Variants in SYT16 observed in about 807,000 individuals in gnomAD.
SYT16 encodes the protein synaptotagmin-16.
A neutral mutation model predicts 61.4 loss-of-function variants in SYT16; 42 were observed. The observed-to-expected ratio is 0.68, with a 90% confidence interval of 0.53 to 0.89. The LOEUF is 0.89. Among genes scored for constraint, SYT16 ranks in the 40% least tolerant of loss-of-function variants. The pLI is 0.00. For synonymous variants in SYT16, 314 were observed against 302.3 expected, an observed-to-expected ratio of 1.04 and a Z score of -0.40; for missense variants, 804 against 807.3, an observed-to-expected ratio of 1.00 and a Z score of 0.05.
intron 1 of SYT16, among the ~76,000 whole-genome samples, chr14:61,817,035 AG>A (rs2045463048): frequency 1.3e-5 from 2 of 148,422 alleles, no homozygotes; most frequent in Non-Finnish European, 3.0e-5. Flanking sequence ...ACACAAAAAA[AG>A]CATTTTCCCC....
chr14:61,955,408 A>G (rs1358449361), intron 1 of SYT16, among the ~76,000 whole-genome samples: 1 of 152,100 alleles, frequency 6.6e-6, no homozygotes, highest in Non-Finnish European at 1.5e-5. Context: ...TTTAGTTTGT[A>G]TAAATGAAAC....
At chr14:61,982,694 T>C (rs1379762224) in intron 2 of SYT16, among the ~76,000 whole-genome samples, 2 of 152,178 alleles carry the variant, frequency 1.3e-5, no homozygotes, top group African/African-American at 4.8e-5. Context: ...CTGGAGACAG[T>C]AAAACTATCT....
Position 62,090,283 on chromosome 14 carries a change from T to C in SYT16, c.1624+5898T>C, listed in dbSNP as rs113853777. 4.5e-3 allele frequency among the ~76,000 whole-genome samples: 686 copies of C among 152,352 alleles called. 6 individuals are homozygous for C. Among genetic ancestry groups the C allele is most frequent in the African/African-American group, 0.016 (652 of 41,574 alleles). On this transcript the variant is annotated intron_variant, in intron 7 of 7. Transcript: ENST00000683842. ...AAACAAGTTCCCCAGCTTCTCAGCA[T>C]GTGCATGATTAGCCACACATGATAA... is the stretch of plus-strand genomic sequence containing the variant.
chr14:62,082,637 C>A (rs537237899), intron 6 of SYT16, among the ~76,000 whole-genome samples: 1 of 152,310 alleles, frequency 6.6e-6, no homozygotes, highest in South Asian at 2.1e-4. Flanking sequence ...TGTCTCAGCT[C>A]TGCTCAGATC....
Position 62,065,560 on chromosome 14 carries a change from A to C in SYT16, c.524-4043A>C, listed in dbSNP as rs75868806. 2.7e-3 allele frequency among the ~76,000 whole-genome samples: 404 copies of C among 152,346 alleles called. 6 individuals carry two copies. In the East Asian group the frequency reaches 0.052, roughly 20 times the overall value. On this transcript the variant is annotated intron_variant, in intron 3 of 7. Transcript: ENST00000683842. ...TTAGTTGCAATTATTAATTTTATAGATGGAAAGATATCCATGCATTGGCTA... is the reference window on the plus strand; with the variant it reads ...TTAGTTGCAATTATTAATTTTATAGCTGGAAAGATATCCATGCATTGGCTA...
chr14:61,913,271 G>T (rs550003858), intron 1 of SYT16, among the ~76,000 whole-genome samples: 47 of 152,256 alleles, frequency 3.1e-4, no homozygotes, highest in Non-Finnish European at 4.4e-5. Context: ...CCAGAACATA[G>T]CATATGCTGC....
intron 2 of SYT16, among the ~76,000 whole-genome samples, chr14:61,981,389 TTCAGTATATTATGG>T (rs2052068220): frequency 1.3e-5 from 2 of 152,186 alleles, no homozygotes; most frequent in Non-Finnish European, 2.9e-5. Context: ...TTTTGTTTCC[TTCAGTATATTATGG>T]TGGGGAGGTT....
rs2057203707 is a variant in SYT16 at position 62,094,624 on chromosome 14, G to A, written c.1625-5770G>A. Among the ~76,000 whole-genome samples the A allele has an allele frequency of 2.0e-5, 3 of 152,022 alleles. No individual in the cohort carries two copies. The South Asian group carries it at 6.2e-4, about 32-fold the overall frequency. On this transcript the variant is annotated intron_variant, in intron 7 of 7. Transcript: ENST00000683842. The stretch of plus-strand genomic sequence containing the variant: ...CAATCTTATTTTATTTTATTTTTAT[G>A]ATAGCAACGTTCCAGTTCAGGTTAG...
At chr14:62,016,901 C>T (rs1229997618) in intron 3 of SYT16, among the ~76,000 whole-genome samples, 1 of 152,144 alleles carries the variant, frequency 6.6e-6, no homozygotes, top group Non-Finnish European at 1.5e-5. Flanking sequence ...CATATTATTA[C>T]TCATCCCTGT....
intron 3 of SYT16, among the ~76,000 whole-genome samples, chr14:62,000,246 C>T (rs1173885968): frequency 6.6e-6 from 1 of 150,694 alleles, no homozygotes. Context: ...TAGTTTGAAG[C>T]TCTGTTAAGT....
At chr14:61,904,302 C>T (rs1238305896) in intron 1 of SYT16, among the ~76,000 whole-genome samples, 4 of 152,210 alleles carry the variant, frequency 2.6e-5, no homozygotes, top group South Asian at 2.1e-4. Flanking sequence ...CCCAACTGGA[C>T]TCCTTTTGCT....
chr14:62,065,280 A>C (rs1015987208), intron 3 of SYT16, among the ~76,000 whole-genome samples: 1 of 152,180 alleles, frequency 6.6e-6, no homozygotes, highest in African/African-American at 2.4e-5. Flanking sequence ...AACTTTGGTA[A>C]TGTCTTAAAT....
At chr14:61,895,105 C>A (rs537042681) in intron 1 of SYT16, among the ~76,000 whole-genome samples, 287 of 152,122 alleles carry the variant, frequency 1.9e-3, no homozygotes, top group African/African-American at 6.7e-3. Context: ...AAGTTGGTAT[C>A]GTTAATGGCA....
intron 3 of SYT16, among the ~76,000 whole-genome samples, chr14:62,001,202 T>G (rs952678782): frequency 9.9e-5 from 15 of 152,154 alleles, no homozygotes; most frequent in African/African-American, 3.6e-4. Context: ...GTGACATTTA[T>G]GTTTAAAAAT....
At chr14:61,873,012 G>C (rs1265966554) in intron 1 of SYT16, among the ~76,000 whole-genome samples, 1 of 152,138 alleles carries the variant, frequency 6.6e-6, no homozygotes, top group Non-Finnish European at 1.5e-5. Context: ...GTATCCAAAA[G>C]CAATTTCATT....
chr14:61,937,473 A>T (rs1040240751), intron 1 of SYT16, among the ~76,000 whole-genome samples: 1 of 152,076 alleles, frequency 6.6e-6, no homozygotes, highest in Non-Finnish European at 1.5e-5. Context: ...TCAGTTTCCA[A>T]CTCCGACCTG....
intron 1 of SYT16, among the ~76,000 whole-genome samples, chr14:61,942,055 A>G (rs2050231825): frequency 6.6e-6 from 1 of 152,232 alleles, no homozygotes; most frequent in Non-Finnish European, 1.5e-5. Flanking sequence ...GCAACTCAAC[A>G]ATGAATATTA....
intron 1 of SYT16, among the ~76,000 whole-genome samples, chr14:61,937,294 T>C (rs996487650): frequency 6.6e-6 from 1 of 152,252 alleles, no homozygotes; most frequent in African/African-American, 2.4e-5. Flanking sequence ...AAATGTTTTC[T>C]CTCCTTGTTT....
chr14:61,823,551 A>G (rs1426399836), intron 1 of SYT16, among the ~76,000 whole-genome samples: 1 of 149,946 alleles, frequency 6.7e-6, no homozygotes, highest in East Asian at 1.9e-4. Context: ...CAACATGGCA[A>G]AAACCCATCT....
Sources: gnomAD v4.1 joint callset for allele counts (sites outside exome capture counted in the v4.1 genomes callset) on GRCh38, gnomAD v4.1.1 for gene constraint, MANE v1.5 for transcripts, NCBI Gene and HGNC (gene_info 2026-07-23, HGNC 2026-07-21) for gene names.